SRCIN1: variants seen among roughly 807,000 people sequenced by gnomAD.
SRCIN1 encodes SRC kinase signaling inhibitor 1.
A neutral mutation model predicts 116.2 loss-of-function variants in SRCIN1; 50 were observed. That is an observed-to-expected ratio of 0.43 (90% confidence interval 0.34 to 0.54). The LOEUF is 0.54. Ranked by LOEUF, SRCIN1 falls within the 20% of genes least tolerant of loss-of-function variation. The probability of loss-of-function intolerance (pLI) is 0.02; values close to 1 mark genes in which losing one functional copy is unlikely to be tolerated. For missense variants in SRCIN1, 1,446 were observed against 1,672.0 expected, an observed-to-expected ratio of 0.86 and a Z score of 2.36; for synonymous variants, 736 against 750.0, an observed-to-expected ratio of 0.98 and a Z score of 0.30.
chr17:38,566,830 A>G (rs1328186920), intron 3 of SRCIN1, among the ~76,000 whole-genome samples: 1 of 141,424 alleles, frequency 7.1e-6, no homozygotes, highest in East Asian at 2.1e-4. Context: ...TGGAACATGC[A>G]TCCTCTCGTG....
intron 1 of SRCIN1, among the ~76,000 whole-genome samples, chr17:38,589,722 C>A (rs1908339613): frequency 6.6e-6 from 1 of 152,234 alleles, no homozygotes; most frequent in Non-Finnish European, 1.5e-5. Context: ...TCCAGCTCTG[C>A]TGATGGGGAA....
At chr17:38,588,688 C>T (rs1219983014) in intron 1 of SRCIN1, among the ~76,000 whole-genome samples, 8 of 152,212 alleles carry the variant, frequency 5.3e-5, no homozygotes, top group Non-Finnish European at 8.8e-5. Context: ...AGGCTGAAAG[C>T]GTGCCCAGGG....
Position 38,578,731 on chromosome 17 carries a change from T to A in SRCIN1, c.83A>T (p.Tyr28Phe). 6.5e-7 allele frequency: 1 copy of A among 1,526,750 alleles called. No homozygotes were observed. The highest frequency in any genetic ancestry group is 8.8e-7 in the Non-Finnish European group (1 of 1,141,196). 94.6% of individuals were successfully genotyped at this position (1,526,750 alleles called of 1,614,324 possible). A position where few individuals can be genotyped will look rare whatever the true frequency, so the allele number is the denominator to read the frequency against. ...SADDAEYPRE[Y>F]RTLGGGGGGG... ...GCCGCCCCCGCCCCCCAGGGTCCGG[T>A]ACTCCCGCGGGTACTCCGCATCGTC... Residue 28 changes from tyrosine (Y) to phenylalanine (F), a missense_variant, in exon 2 of 19, where the codon TAC becomes TTC. Tyr to Phe is a conservative substitution (Grantham distance 22). This residue lies in a region of SRCIN1 where 246 missense variants were observed against 265.1 expected (regional missense o/e 0.93). Transcript: ENST00000617146.
intron 18 of SRCIN1, chr17:38,541,168 G>A (rs1317725882): frequency 6.6e-6 from 1 of 152,026 alleles, no homozygotes; most frequent in Non-Finnish European, 1.5e-5. Flanking sequence ...GAACCCAGGA[G>A]GCAGAGGTTG....
In SRCIN1 at chr17:38,531,765, CTCCCCAGGTGCGGACCT is replaced by C. The variant is rs1360219952; in HGVS notation, c.*1515_*1531del. The stretch of plus-strand genomic sequence containing the variant: ...CCCAAACCTTCAACAGCTCCCAGCT[CTCCCCAGGTGCGGACCT>C]TCCCCAGCCAGGCCCCAGGGTCTGG... On this transcript the variant is annotated 3_prime_UTR_variant, in exon 19 of 19. Coordinates refer to ENST00000617146, the MANE Select transcript of SRCIN1 (RefSeq NM_025248.3). 2 of 152,598 alleles carry C rather than the reference CTCCCCAGGTGCGGACCT, an allele frequency of 1.3e-5. No individual in the cohort carries two copies. Among genetic ancestry groups the C allele is most frequent in the Non-Finnish European group, 2.9e-5 (2 of 68,044 alleles). The allele number at this position is 152,598 out of a possible 1,614,324, so 9.5% of individuals were successfully genotyped here.
intron 1 of SRCIN1, among the ~76,000 whole-genome samples, chr17:38,596,412 CAG>C (rs1386000358): frequency 6.6e-6 from 1 of 152,092 alleles, no homozygotes; most frequent in Admixed American, 6.5e-5. Flanking sequence ...GGGAGACAGA[CAG>C]GGGGACAAAC....
chr17:38,564,221 G>T lies in SRCIN1; in HGVS notation c.438C>A (p.Thr146=), dbSNP rs776181398. ...LSYASAESLE[T]MSEAELPLGF... ...CCAGGGGCAGCTCGGCCTCCGACAT[G>T]GTCTCCAGCGACTCGGCGGAGGCGT... The change falls in exon 4 of 19, where the codon ACC becomes ACA. Residue 146 remains threonine (T), a synonymous_variant. Transcript: ENST00000617146. 177 of 1,582,772 alleles carry T rather than the reference G, an allele frequency of 1.1e-4. No individual in the cohort carries two copies. Among genetic ancestry groups the T allele is most frequent in the Non-Finnish European group, 1.4e-4 (161 of 1,165,828 alleles).
intron 1 of SRCIN1, among the ~76,000 whole-genome samples, chr17:38,594,404 G>A (rs1426676995): frequency 2.0e-5 from 3 of 152,170 alleles, no homozygotes; most frequent in East Asian, 1.9e-4. Context: ...GGCAAGGAGA[G>A]CTGCCTCCCC....
chr17:38,564,160 G>A lies in SRCIN1; in HGVS notation c.499C>T (p.Pro167Ser). 1 of 1,598,598 alleles carries A rather than the reference G, an allele frequency of 6.3e-7. No individual in the cohort carries two copies. The change falls in exon 4 of 19, where the codon CCT becomes TCT. Residue 167 changes from proline to serine, a missense_variant. Pro to Ser is a moderately conservative substitution (Grantham distance 74). Around this residue, in one of 5 missense-constraint regions of SRCIN1, gnomAD observed 246 missense variants for 265.1 expected, o/e 0.93. Transcript: ENST00000617146. ...SRMNRFRQSL[P>S]LSRSASQTKL... The stretch of plus-strand genomic sequence containing the variant: ...GTCTGGCTGGCCGAGCGGGAGAGAG[G>A]CAGGCTCTGTCGGAAGCGGTTCATC...
In SRCIN1 at chr17:38,533,105, A is replaced by C. The variant is rs1303964788; in HGVS notation, c.*192T>G. ...TTAAAAGTTAATTGTTAAAAAAAAA[A>C]AAAAAAACAAAACCAAAAACACCAA... is the stretch of plus-strand genomic sequence containing the variant. On this transcript the variant is annotated 3_prime_UTR_variant, in exon 19 of 19. Coordinates refer to ENST00000617146, the MANE Select transcript of SRCIN1 (RefSeq NM_025248.3). The C allele has an allele frequency of 1.2e-5, 5 of 434,258 alleles. No individual in the cohort carries two copies. The highest frequency in any genetic ancestry group is 1.4e-5 in the Non-Finnish European group (4 of 276,830). 26.9% of individuals were successfully genotyped at this position (434,258 alleles called of 1,614,324 possible). A position where few individuals can be genotyped will look rare whatever the true frequency, so the allele number is the denominator to read the frequency against.
At chr17:38,535,408 C>T (rs1165213239) in intron 18 of SRCIN1, among the ~76,000 whole-genome samples, 4 of 152,068 alleles carry the variant, frequency 2.6e-5, no homozygotes, top group Non-Finnish European at 4.4e-5. Context: ...GGTTTCTCCA[C>T]GTTGGTCAGG....
chr17:38,558,344 A>T lies in SRCIN1; in HGVS notation c.2084T>A (p.Met695Lys). Reference sequence around the variant, plus strand: ...CCGCCGCGCCGCCTCCGACACGCGCATGCTCAGCTCTGCCTCCGTGCGCTT... The same window carrying T: ...CCGCCGCGCCGCCTCCGACACGCGCTTGCTCAGCTCTGCCTCCGTGCGCTT... ...LLKRTEAELS[M>K]RVSEAARRQE... is the part of the protein sequence containing the mutation. Residue 695 changes from methionine to lysine, a missense_variant, in exon 11 of 19, where the codon ATG (methionine) becomes AAG (lysine). Met to Lys is a moderately conservative substitution (Grantham distance 95). This residue lies in a region of SRCIN1 where 398 missense variants were observed against 385.6 expected (regional missense o/e 1.03). Transcript: ENST00000617146. This position sits in a 1 kb window ranked among gnomAD's most constrained non-coding sequence, Gnocchi z 4.6. 6.2e-7 allele frequency: 1 copy of T among 1,609,468 alleles called. No homozygotes were observed. Among genetic ancestry groups the T allele is most frequent in the Non-Finnish European group, 8.5e-7 (1 of 1,179,540 alleles).
intron 2 of SRCIN1, among the ~76,000 whole-genome samples, chr17:38,571,908 T>C (rs1310622121): frequency 6.6e-6 from 1 of 152,154 alleles, no homozygotes; most frequent in Non-Finnish European, 1.5e-5. Flanking sequence ...TCCTCCATCC[T>C]AGCCACTGGT....
At position 38,543,967 on chromosome 17, in the gene SRCIN1, A is replaced by T. The variant is rs1384236401; in HGVS notation, c.3273T>A (p.Ser1091Arg). The change falls in exon 18 of 19, where the codon AGT (serine) becomes AGA (arginine). Residue 1091 changes from serine (S) to arginine (R), a missense_variant and splice_region_variant. This residue lies in a region of SRCIN1 where 531 missense variants were observed against 633.9 expected (regional missense o/e 0.84). Coordinates refer to ENST00000617146, the MANE Select transcript of SRCIN1 (RefSeq NM_025248.3). Reference sequence around the variant, plus strand: ...TCATGGGTGGTACACTGCCTCCGCCACTCTGCAGGAAGAGGAACAGGGTTG... The same window carrying T: ...TCATGGGTGGTACACTGCCTCCGCCTCTCTGCAGGAAGAGGAACAGGGTTG... ...DEDRIIAELE[S>R]GGGSVPPMKV... 1 of 1,580,826 alleles carries T rather than the reference A, an allele frequency of 6.3e-7. No individual in the cohort carries two copies. Among genetic ancestry groups the T allele is most frequent in the Non-Finnish European group, 8.6e-7 (1 of 1,169,516 alleles).
At chr17:38,538,999 A>C (rs1904562899) in intron 18 of SRCIN1, among the ~76,000 whole-genome samples, 1 of 152,208 alleles carries the variant, frequency 6.6e-6, no homozygotes, top group Non-Finnish European at 1.5e-5. Flanking sequence ...GTACACATGC[A>C]ACAAATGGTA....
At position 38,558,039 on chromosome 17, in the gene SRCIN1, A is replaced by G. The variant is rs1168074436; in HGVS notation, c.2201+188T>C. 1.3e-5 allele frequency among the ~76,000 whole-genome samples: 2 copies of G among 152,198 alleles called. No individual in the cohort carries two copies. The highest frequency in any genetic ancestry group is 2.9e-5 in the Non-Finnish European group (2 of 68,038). On this transcript the variant is annotated intron_variant, in intron 11 of 18. Coordinates refer to ENST00000617146, the MANE Select transcript of SRCIN1 (RefSeq NM_025248.3). The surrounding 1 kb of genome is among the most constrained non-coding windows in gnomAD (Gnocchi z 4.6). ...AAGCCAGAAAAAAGAAATCAGGAAT[A>G]ATGCCAGCCGGTCAAAAGTTTGTGG...
intron 2 of SRCIN1, among the ~76,000 whole-genome samples, chr17:38,569,634 C>T (rs1906950752): frequency 6.6e-6 from 1 of 152,166 alleles, no homozygotes; most frequent in Admixed American, 6.5e-5. Context: ...CCACCATCCC[C>T]ATCCTTCCCC....
Position 38,562,468 on chromosome 17 carries a change from A to G in SRCIN1, c.835-140T>C. On this transcript the variant is annotated intron_variant, in intron 6 of 18. Coordinates refer to ENST00000617146, the MANE Select transcript of SRCIN1 (RefSeq NM_025248.3). The surrounding 1 kb of genome is among the most constrained non-coding windows in gnomAD (Gnocchi z 4.2). ...GCCCTCCCTCCATCCTGCTGCGTCT[A>G]GGGTCCCTTTCCCATCAGGGTTCCT... is the stretch of plus-strand genomic sequence containing the variant. 9.2e-7 allele frequency: 1 copy of G among 1,084,886 alleles called. No individual in the cohort carries two copies. Among genetic ancestry groups the G allele is most frequent in the African/African-American group, 1.7e-5 (1 of 59,880 alleles). The allele number at this position is 1,084,886 out of a possible 1,614,324, so 67.2% of individuals were successfully genotyped here.
chr17:38,551,867 C>G lies in SRCIN1; in HGVS notation c.2727+19G>C. 1 of 1,613,272 alleles carries G rather than the reference C, an allele frequency of 6.2e-7. No individual in the cohort carries two copies. The highest frequency in any genetic ancestry group is 8.5e-7 in the Non-Finnish European group (1 of 1,179,892). ...TGAACCTGGCTCATGGCCCCACCCA[C>G]AATCCCTGGCCCCAGCACCTCAACA... On this transcript the variant is annotated intron_variant, in intron 14 of 18. Coordinates refer to ENST00000617146, the MANE Select transcript of SRCIN1 (RefSeq NM_025248.3).
Sources: allele counts gnomAD v4.1 joint callset (sites outside exome capture counted in the v4.1 genomes callset), GRCh38; gene constraint gnomAD v4.1.1; regional missense constraint gnomAD v4.1.1; non-coding constraint Gnocchi (gnomAD v3.1); transcripts MANE v1.5; gene names NCBI Gene and HGNC (gene_info 2026-07-23, HGNC 2026-07-21).